The following ARF4 variants were observed in gnomAD, a reference collection of about 807,000 sequenced individuals.
ARF4 encodes ADP-ribosylation factor 4.
ARF4 carries 5 observed loss-of-function variants against 24.3 expected under a neutral mutation model. The observed-to-expected ratio is 0.21, with a 90% CI of 0.11 to 0.43. ARF4 has a LOEUF of 0.43. ARF4 is among the 20% of genes least tolerant of loss of function. ARF4 has a pLI of 1.00. For missense variants in ARF4, 107 were observed against 213.0 expected (o/e 0.50, Z 3.10); for synonymous variants, 62 against 73.5 (o/e 0.84, Z 0.80).
Position 57,588,967 on chromosome 3 carries a change from T to C in ARF4, c.68-4503A>G, listed in dbSNP as rs551316323. Among the ~76,000 whole-genome samples, 120 of 152,158 alleles carry C rather than the reference T, an allele frequency of 7.9e-4. 1 individual carries two copies. Among genetic ancestry groups the C allele is most frequent in the African/African-American group, 2.7e-3 (113 of 41,498 alleles). On this transcript the variant is annotated intron_variant, in intron 1 of 5. Transcript: ENST00000303436. ...AAAATACAAAATTAGCTGGGTGTAG[T>C]GGCACATGCCTGTAATCCCAGCTAC...
At chr3:57,586,713 CAG>C (rs1367098440) in intron 1 of ARF4, among the ~76,000 whole-genome samples, 1 of 151,940 alleles carries the variant, frequency 6.6e-6, no homozygotes, top group Non-Finnish European at 1.5e-5. Context: ...TCAAAAAAAT[CAG>C]AAAACATAAT....
intron 3 of ARF4, among the ~76,000 whole-genome samples, chr3:57,578,894 G>C (rs935819182): frequency 2.0e-5 from 3 of 151,496 alleles, no homozygotes; most frequent in Admixed American, 6.6e-5. Context: ...TAGAAAAGGG[G>C]GGGGGCAAAA....
At chr3:57,576,637 G>T (rs545169000) in intron 4 of ARF4, among the ~76,000 whole-genome samples, 256 of 151,074 alleles carry the variant, frequency 1.7e-3, no homozygotes, top group African/African-American at 6.0e-3. Context: ...TAGGAGGAAT[G>T]AACAAGAATT....
At chr3:57,597,025 G>A in intron 1 of ARF4, 49 bp downstream of exon 1, 3 of 1,595,144 alleles carry the variant, frequency 1.9e-6, no homozygotes, top group Non-Finnish European at 2.6e-6. Context: ...CCCAATTGTG[G>A]AGACCCTGCC....
chr3:57,584,586 A>G, intron 1 of ARF4, 122 bp from the exon 2 acceptor site: 1 of 819,614 alleles, frequency 1.2e-6, no homozygotes, highest in Admixed American at 2.5e-5. Context: ...TAAATGAGTT[A>G]GAAATGAAAT....
chr3:57,585,358 T>C (rs1013729947), intron 1 of ARF4, among the ~76,000 whole-genome samples: 1 of 152,206 alleles, frequency 6.6e-6, no homozygotes, highest in Non-Finnish European at 1.5e-5. Context: ...CTAATGAACT[T>C]AATGTAACTA....
At chr3:57,588,126 G>A (rs539419426) in intron 1 of ARF4, among the ~76,000 whole-genome samples, 1 of 152,134 alleles carries the variant, frequency 6.6e-6, no homozygotes, top group Non-Finnish European at 1.5e-5. Flanking sequence ...GCCAAGATAA[G>A]ACTAATCTGT....
intron 4 of ARF4, among the ~76,000 whole-genome samples, 177 bp downstream of exon 4, chr3:57,577,139 T>C (rs1019545142): frequency 6.6e-6 from 1 of 152,054 alleles, no homozygotes; most frequent in Non-Finnish European, 1.5e-5. Flanking sequence ...AAACGCTCTA[T>C]AAGAGATTTT....
chr3:57,580,775 T>C (rs540133603), intron 3 of ARF4, among the ~76,000 whole-genome samples: 1 of 98,744 alleles, frequency 1.0e-5, no homozygotes, highest in South Asian at 2.9e-4. Flanking sequence ...ATTTTTATTC[T>C]TTTTTTTTTT....
Position 57,572,131 on chromosome 3 carries a change from A to G in ARF4, c.*81T>C. 9.1e-7 allele frequency: 1 copy of G among 1,104,504 alleles called. No homozygotes were observed. Among genetic ancestry groups the G allele is most frequent in the Non-Finnish European group, 1.4e-6 (1 of 722,044 alleles). The allele number at this position is 1,104,504 out of a possible 1,614,324, so 68.4% of individuals were successfully genotyped here. On this transcript the variant is annotated 3_prime_UTR_variant, in exon 6 of 6. Coordinates refer to ENST00000303436, the MANE Select transcript of ARF4 (RefSeq NM_001660.4). Reference sequence around the variant, plus strand: ...AACCAGTCCCAGATACTGTTTAATAACCAAGATACAAACTAATTTTGTTGT... The same window carrying G: ...AACCAGTCCCAGATACTGTTTAATAGCCAAGATACAAACTAATTTTGTTGT...
At chr3:57,584,315 C>CAA in intron 2 of ARF4, 69 bp downstream of exon 2, 1 of 1,310,956 alleles carries the variant, frequency 7.6e-7, no homozygotes, top group Non-Finnish European at 1.1e-6. Context: ...AAGACAATCT[C>CAA]AAAACTAGAC....
In ARF4 at chr3:57,591,790, A is replaced by G. The variant is rs772034060; in HGVS notation, c.67+5284T>C. Among the ~76,000 whole-genome samples the G allele has an allele frequency of 1.4e-4, 22 of 152,302 alleles. 1 individual carries two copies. Among genetic ancestry groups the G allele is most frequent in the Admixed American group, 6.5e-4 (10 of 15,282 alleles). ...ATTATGAATGAACTTTGACAACATC[A>G]TGCCAAGTGAAAAAAGCCAGACAAA... On this transcript the variant is annotated intron_variant, in intron 1 of 5. Transcript: ENST00000303436.
At position 57,583,925 on chromosome 3, in the gene ARF4, G is replaced by A. The variant is rs755555652; in HGVS notation, c.231C>T (p.Leu77=). The A allele has an allele frequency of 1.2e-6, 2 of 1,608,282 alleles. No homozygotes were observed. The highest frequency in any genetic ancestry group is 3.3e-5 in the Admixed American group (2 of 59,780). The change falls in exon 3 of 6, where the codon CTC becomes CTT. Residue 77 remains leucine, a synonymous_variant. Transcript: ENST00000303436. Reference sequence around the variant, plus strand: ...GGGTATTCTGGAAGTAATGCTTCCAGAGAGGCCTAATTCTATCTTGACCAC... The same window carrying A: ...GGGTATTCTGGAAGTAATGCTTCCAAAGAGGCCTAATTCTATCTTGACCAC... ...DVGGQDRIRP[L]WKHYFQNTQG...
Position 57,597,261 on chromosome 3 carries a change from A to G in ARF4, c.-121T>C, listed in dbSNP as rs1466406862. 8 of 983,994 alleles carry G rather than the reference A, an allele frequency of 8.1e-6. No homozygotes were observed. In the African/African-American group the frequency reaches 1.3e-4, roughly 16 times the overall value. 61.0% of individuals were successfully genotyped at this position (983,994 alleles called of 1,614,324 possible). A position where few individuals can be genotyped will look rare whatever the true frequency, so the allele number is the denominator to read the frequency against. The stretch of plus-strand genomic sequence containing the variant: ...GAAGAGAAAGAGCGGAGGAAGAAAG[A>G]GGGAGGCAGAAACGTCTCAGTGGCC... On this transcript the variant is annotated 5_prime_UTR_variant, in exon 1 of 6. Transcript: ENST00000303436.
At chr3:57,593,035 T>A (rs2070134035) in intron 1 of ARF4, among the ~76,000 whole-genome samples, 6 of 151,948 alleles carry the variant, frequency 3.9e-5, no homozygotes, top group Admixed American at 3.9e-4. Flanking sequence ...AAGACCCCCA[T>A]TCTCTACAAA....
chr3:57,572,706 A>C (rs1216652885), intron 5 of ARF4, among the ~76,000 whole-genome samples: 2 of 152,020 alleles, frequency 1.3e-5, no homozygotes, highest in Non-Finnish European at 2.9e-5. Flanking sequence ...CCTATTCATT[A>C]TATTTAGACA....
At chr3:57,572,408 C>T (rs2069852069) in intron 5 of ARF4, 110 bp from the exon 6 acceptor site, 1 of 761,020 alleles carries the variant, frequency 1.3e-6, no homozygotes, top group Non-Finnish European at 2.2e-6. Context: ...TTGCATCTCA[C>T]AAAACTCTCC....
intron 1 of ARF4, among the ~76,000 whole-genome samples, chr3:57,587,002 A>G (rs751770450): frequency 2.0e-5 from 3 of 152,046 alleles, no homozygotes; most frequent in Non-Finnish European, 2.9e-5. Context: ...CGGAGGTCCA[A>G]CTGGACCTCA....
intron 3 of ARF4, among the ~76,000 whole-genome samples, chr3:57,583,246 T>G (rs2069997561): frequency 6.6e-6 from 1 of 152,174 alleles, no homozygotes; most frequent in South Asian, 2.1e-4. Flanking sequence ...AGGTGATTGA[T>G]ATGCATATTA....
Sources: gnomAD v4.1 joint callset for allele counts (sites outside exome capture counted in the v4.1 genomes callset) on GRCh38, gnomAD v4.1.1 for gene constraint, MANE v1.5 for transcripts, NCBI Gene and HGNC (gene_info 2026-07-23, HGNC 2026-07-21) for gene names.